CENPN: variants seen among roughly 807,000 people sequenced by gnomAD.
CENPN encodes centromere protein N, also known as interphase centromere complex protein 32.
Under a neutral mutation model 48.6 loss-of-function variants are expected in CENPN, and 36 were observed. The observed-to-expected ratio is 0.74, with a 90% CI of 0.57 to 0.98. The LOEUF (loss-of-function observed/expected upper bound fraction) is 0.98. Among genes scored for constraint, CENPN ranks in the 50% least tolerant of loss-of-function variants. The pLI, the probability that CENPN is intolerant of heterozygous loss-of-function variation, is 0.00. For missense variants in CENPN, 439 were observed against 399.2 expected, an observed-to-expected ratio of 1.10 and a Z score of -0.85; for synonymous variants, 166 against 135.2, an observed-to-expected ratio of 1.23 and a Z score of -1.58.
rs572927334 is a variant in CENPN, at chr16:81,029,599, C to T, written c.*948C>T. ...TTTGTTTGTTTTTTGTTTTTTGAGACAAGTCTCCTTCTATCGCCCAGGCTG... is the reference window on the plus strand; with the variant it reads ...TTTGTTTGTTTTTTGTTTTTTGAGATAAGTCTCCTTCTATCGCCCAGGCTG... On this transcript the variant is annotated 3_prime_UTR_variant, in exon 11 of 11. Coordinates refer to ENST00000305850, the MANE Select transcript of CENPN (RefSeq NM_001100624.3). 6.6e-6 allele frequency among the ~76,000 whole-genome samples: 1 copy of T among 151,864 alleles called. No individual in the cohort carries two copies. The highest frequency in any genetic ancestry group is 2.1e-4 in the South Asian group (1 of 4,802).
chr16:81,028,809 C>G lies in CENPN; in HGVS notation c.*158C>G, dbSNP rs920746095. The stretch of plus-strand genomic sequence containing the variant: ...GCTCACATAATTGTTGGGACTGATT[C>G]ATTCCTCCACGATATGCCTCCTCTC... On this transcript the variant is annotated 3_prime_UTR_variant, in exon 11 of 11. Transcript: ENST00000305850. The G allele has an allele frequency of 4.3e-6, 6 of 1,407,910 alleles. No homozygotes were observed. Among genetic ancestry groups the G allele is most frequent in the Non-Finnish European group, 5.5e-6 (6 of 1,086,440 alleles). 87.2% of individuals were successfully genotyped at this position (1,407,910 alleles called of 1,614,324 possible).
At position 81,017,804 on chromosome 16, in the gene CENPN, C is replaced by G. The variant is rs771870675; in HGVS notation, c.324C>G (p.Phe108Leu). Reference sequence around the variant, plus strand: ...ATATGAAACAATTTAAAAATTCGTTCAAGAAAATTCTTCAGAGAGCATTAA... The same window carrying G: ...ATATGAAACAATTTAAAAATTCGTTGAAGAAAATTCTTCAGAGAGCATTAA... ...LFDMKQFKNS[F>L]KKILQRALKN... Residue 108 changes from phenylalanine (F) to leucine (L), a missense_variant, in exon 5 of 11, where the codon TTC (phenylalanine) becomes TTG (leucine). By Grantham distance (22) the Phe-to-Leu change is conservative. Transcript: ENST00000305850. The G allele has an allele frequency of 3.8e-6, 6 of 1,578,694 alleles. No individual in the cohort carries two copies. Among genetic ancestry groups the G allele is most frequent in the Non-Finnish European group, 5.2e-6 (6 of 1,163,220 alleles).
intron 8 of CENPN, among the ~76,000 whole-genome samples, chr16:81,026,069 A>ATGTG (rs56927276): frequency 0.012 from 1,607 of 136,638 alleles, 23 homozygotes; most frequent in African/African-American, 0.032. Flanking sequence ...ATATATATAT[A>ATGTG]TGTGTGTGTG....
chr16:81,029,387 T>G lies in CENPN; in HGVS notation c.*736T>G. The stretch of plus-strand genomic sequence containing the variant: ...CCTATCTTTTTAAAAATTTTTTCCT[T>G]TCTAATTTTTTATTTCTTTATTTAT... On this transcript the variant is annotated 3_prime_UTR_variant, in exon 11 of 11. Coordinates refer to ENST00000305850, the MANE Select transcript of CENPN (RefSeq NM_001100624.3). The G allele has an allele frequency of 1.4e-6, 1 of 737,166 alleles. No homozygotes were observed. The highest frequency in any genetic ancestry group is 1.7e-6 in the Non-Finnish European group (1 of 603,722). The allele number at this position is 737,166 out of a possible 1,614,324, so 45.7% of individuals were successfully genotyped here. A position where few individuals can be genotyped will look rare whatever the true frequency, so the allele number is the denominator to read the frequency against.
At chr16:81,015,630 C>T (rs1281457840) in intron 3 of CENPN, among the ~76,000 whole-genome samples, 1 of 152,214 alleles carries the variant, frequency 6.6e-6, no homozygotes, top group Non-Finnish European at 1.5e-5. Context: ...TTTAGTTTGT[C>T]TCATTTTCAG....
chr16:81,026,460 A>G, intron 8 of CENPN, 66 bp from the exon 9 acceptor site: 1 of 708,068 alleles, frequency 1.4e-6, no homozygotes, highest in Non-Finnish European at 2.4e-6. Context: ...TAGGAATGAA[A>G]GGAGGATAAT....
chr16:81,015,174 C>T (rs1455831112), intron 3 of CENPN, among the ~76,000 whole-genome samples: 1 of 152,090 alleles, frequency 6.6e-6, no homozygotes, highest in East Asian at 1.9e-4. Context: ...AGCTTCTCAC[C>T]TCTCCTCCCT....
At position 81,020,169 on chromosome 16, in the gene CENPN, A is replaced by C. The variant is rs762054291; in HGVS notation, c.424A>C (p.Thr142Pro). 3.7e-6 allele frequency: 6 copies of C among 1,614,000 alleles called. No homozygotes were observed. The highest frequency in any genetic ancestry group is 5.1e-6 in the Non-Finnish European group (6 of 1,179,988). Reference sequence around the variant, plus strand: ...TCGAATTGCCTGGGGAACACAGTACACAAAGCCAAACCAGTACAAACCTAC... The same window carrying C: ...TCGAATTGCCTGGGGAACACAGTACCCAAAGCCAAACCAGTACAAACCTAC... ...WIRIAWGTQY[T>P]KPNQYKPTYV... The change falls in exon 6 of 11, where the codon ACA becomes CCA. Residue 142 changes from threonine (T) to proline (P), a missense_variant. Transcript: ENST00000305850.
intron 3 of CENPN, chr16:81,017,097 C>A: frequency 2.6e-6 from 1 of 377,638 alleles, no homozygotes; most frequent in South Asian, 3.2e-5. Flanking sequence ...GAATAAATAC[C>A]AAAACTCAAC....
intron 1 of CENPN, among the ~76,000 whole-genome samples, chr16:81,011,166 A>G (rs1269125809): frequency 6.6e-6 from 1 of 152,000 alleles, no homozygotes. Context: ...TTGCCTCAGG[A>G]CTTTTGCACA....
chr16:81,017,807 G>T lies in CENPN; in HGVS notation c.327G>T (p.Lys109Asn). The T allele has an allele frequency of 6.3e-7, 1 of 1,582,006 alleles. No homozygotes were observed. The highest frequency in any genetic ancestry group is 8.6e-7 in the Non-Finnish European group (1 of 1,163,976). Residue 109 changes from lysine (K) to asparagine (N), a missense_variant, in exon 5 of 11, where the codon AAG (lysine) becomes AAT (asparagine). Physicochemically the swap from Lys to Asn is moderately conservative, Grantham distance 94 (BLOSUM62 0). Coordinates refer to ENST00000305850, the MANE Select transcript of CENPN (RefSeq NM_001100624.3). Reference protein sequence around the residue: ...FDMKQFKNSFKKILQRALKNV... With the variant: ...FDMKQFKNSFNKILQRALKNV... ...TGAAACAATTTAAAAATTCGTTCAAGAAAATTCTTCAGAGAGCATTAAAAA... is the reference window on the plus strand; with the variant it reads ...TGAAACAATTTAAAAATTCGTTCAATAAAATTCTTCAGAGAGCATTAAAAA...
At chr16:81,016,294 A>G (rs1969929755) in intron 3 of CENPN, among the ~76,000 whole-genome samples, 1 of 152,234 alleles carries the variant, frequency 6.6e-6, no homozygotes, top group Non-Finnish European at 1.5e-5. Context: ...CGCGAGTTCA[A>G]GTCTAGCCCA....
At chr16:81,032,374 G>A (rs564571444), downstream of CENPN, among the ~76,000 whole-genome samples, 2 of 152,226 alleles carry the variant, frequency 1.3e-5, no homozygotes, top group Non-Finnish European at 2.9e-5. Flanking sequence ...CTGCTCCTCA[G>A]AAGAATTACA....
chr16:81,025,260 T>G (rs1302909769), intron 8 of CENPN, among the ~76,000 whole-genome samples: 2 of 152,150 alleles, frequency 1.3e-5, no homozygotes, highest in African/African-American at 2.4e-5. Flanking sequence ...TCTAGAACAA[T>G]GAGAATCATG....
At chr16:81,022,138 A>G (rs979131499) in intron 6 of CENPN, among the ~76,000 whole-genome samples, 1 of 152,162 alleles carries the variant, frequency 6.6e-6, no homozygotes, top group African/African-American at 2.4e-5. Context: ...TATCATAGTA[A>G]TTCTGTTTCA....
At chr16:81,021,454 A>C (rs1970194390) in intron 6 of CENPN, among the ~76,000 whole-genome samples, 2 of 152,116 alleles carry the variant, frequency 1.3e-5, no homozygotes, top group Non-Finnish European at 2.9e-5. Flanking sequence ...CAGCTCCACC[A>C]TCCTGGCTGC....
At chr16:81,024,476 C>T (rs1258469468) in intron 7 of CENPN, 3 of 354,400 alleles carry the variant, frequency 8.5e-6, no homozygotes, top group African/African-American at 6.4e-5. Context: ...GCTCTGCACT[C>T]ACCAGATCCA....
chr16:81,014,149 G>C lies in CENPN; in HGVS notation c.185G>C (p.Ser62Thr). 2 of 1,613,372 alleles carry C rather than the reference G, an allele frequency of 1.2e-6. No individual in the cohort carries two copies. The highest frequency in any genetic ancestry group is 1.7e-6 in the Non-Finnish European group (2 of 1,179,430). The change falls in exon 3 of 11, where the codon AGT (serine) becomes ACT (threonine). Residue 62 changes from serine to threonine, a missense_variant. Transcript: ENST00000305850. The stretch of plus-strand genomic sequence containing the variant: ...TTTCTCTTTTAGGAAAAGCGTGCAA[G>C]TATCAGTGATGCTGCCCTGTTAGAC... The part of the protein sequence containing the change: ...LIHLCEEKRA[S>T]ISDAALLDII...
intron 3 of CENPN, among the ~76,000 whole-genome samples, chr16:81,015,807 ACCAGCCTGG>A (rs1357404834): frequency 1.3e-5 from 2 of 152,204 alleles, no homozygotes; most frequent in Non-Finnish European, 2.9e-5. Context: ...GGAGTTGGAG[ACCAGCCTGG>A]CCACTATGGT....
Sources: gnomAD v4.1 joint callset for allele counts (sites outside exome capture counted in the v4.1 genomes callset) on GRCh38, gnomAD v4.1.1 for gene constraint, MANE v1.5 for transcripts, NCBI Gene and HGNC (gene_info 2026-07-23, HGNC 2026-07-21) for gene names.